RGL1: variants seen among roughly 807,000 people sequenced by gnomAD.
The protein encoded by RGL1 is ral guanine nucleotide dissociation stimulator-like 1.
Under a neutral mutation model 95.2 loss-of-function variants are expected in RGL1, and 24 were observed. That is an observed-to-expected ratio of 0.25 (90% CI 0.18 to 0.35). The LOEUF is 0.35. RGL1 is among the 10% of genes least tolerant of loss of function. The probability of loss-of-function intolerance (pLI) is 1.00; values close to 1 mark genes in which losing one functional copy is unlikely to be tolerated. For missense variants in RGL1, 715 were observed against 936.3 expected (o/e 0.76, Z 3.08); for synonymous variants, 329 against 344.9 (o/e 0.95, Z 0.51).
intron 2 of RGL1, among the ~76,000 whole-genome samples, chr1:183,745,854 C>T (rs936540631): frequency 3.9e-5 from 6 of 152,096 alleles, no homozygotes; most frequent in Non-Finnish European, 8.8e-5. Context: ...AATTTGTTGA[C>T]TGATTTGGAG....
chr1:183,697,361 A>G (rs1654314248), intron 1 of RGL1, among the ~76,000 whole-genome samples: 1 of 152,002 alleles, frequency 6.6e-6, no homozygotes, highest in African/African-American at 2.4e-5. Context: ...AATATTTTAC[A>G]TGGTTTGCTT....
At chr1:183,893,759 T>C (rs1323763523) in intron 9 of RGL1, among the ~76,000 whole-genome samples, 1 of 152,226 alleles carries the variant, frequency 6.6e-6, no homozygotes, top group Admixed American at 6.5e-5. Context: ...CTGGCACTTA[T>C]CACTTGCTCT....
Position 183,882,117 on chromosome 1 carries a change from C to T in RGL1, c.610+1317C>T, listed in dbSNP as rs183744860. 2.6e-5 allele frequency among the ~76,000 whole-genome samples: 4 copies of T among 152,394 alleles called. No homozygotes were observed. In the East Asian group the frequency reaches 7.7e-4, roughly 29 times the overall value. On this transcript the variant is annotated intron_variant, in intron 5 of 17. Coordinates refer to ENST00000360851, the MANE Select transcript of RGL1 (RefSeq NM_001297671.3). ...CCCAATTTTACTCCTGCGGAAGAAG[C>T]AAGCTCTCCTATATGTTTTTAAAAA...
At chr1:183,923,617 G>A (rs758175716) in intron 17 of RGL1, among the ~76,000 whole-genome samples, 17 of 151,960 alleles carry the variant, frequency 1.1e-4, no homozygotes, top group African/African-American at 3.9e-4. Context: ...CTGGACCCCC[G>A]GGCCTTGGTC....
chr1:183,647,938 T>G lies in RGL1; in HGVS notation c.-33+11437T>G, dbSNP rs1192712180. 2.5e-6 allele frequency: 4 copies of G among 1,614,196 alleles called. No individual in the cohort carries two copies. In the East Asian group the frequency reaches 8.9e-5, roughly 36 times the overall value. ...GGAGCCCTGAGGTCTGGAGGTAGGT[T>G]GGGTTGGAGTTGTCCACTCGGCATT... On this transcript the variant is annotated intron_variant, in intron 1 of 18. Coordinates refer to the RGL1 transcript ENST00000304685.
chr1:183,865,349 C>T (rs1665761700), intron 3 of RGL1, among the ~76,000 whole-genome samples: 1 of 152,192 alleles, frequency 6.6e-6, no homozygotes, highest in Non-Finnish European at 1.5e-5. Flanking sequence ...CCCCACCTCC[C>T]CAGTTGCTGT....
At chr1:183,672,061 T>C (rs1652501092) in intron 1 of RGL1, among the ~76,000 whole-genome samples, 1 of 151,862 alleles carries the variant, frequency 6.6e-6, no homozygotes, top group Non-Finnish European at 1.5e-5. Flanking sequence ...GCCTCCTGAG[T>C]AGCTGGGATT....
intron 1 of RGL1, among the ~76,000 whole-genome samples, chr1:183,690,825 T>C (rs916822040): frequency 1.3e-5 from 2 of 152,218 alleles, no homozygotes; most frequent in Admixed American, 6.5e-5. Flanking sequence ...TTTTGCTTTT[T>C]ATACTTAGCA....
chr1:183,898,702 C>G (rs917921215), intron 10 of RGL1, among the ~76,000 whole-genome samples: 2 of 152,188 alleles, frequency 1.3e-5, no homozygotes, highest in Admixed American at 1.3e-4. Flanking sequence ...CAAAGACAAG[C>G]TAAAAATAGC....
intron 2 of RGL1, among the ~76,000 whole-genome samples, chr1:183,771,678 G>A (rs1014127699): frequency 2.6e-5 from 4 of 152,132 alleles, no homozygotes; most frequent in African/African-American, 7.2e-5. Context: ...ATATGGAAGC[G>A]GGAAGGGAAG....
intron 2 of RGL1, among the ~76,000 whole-genome samples, chr1:183,760,618 C>T (rs1257019057): frequency 7.0e-6 from 1 of 143,362 alleles, no homozygotes; most frequent in South Asian, 2.2e-4. Flanking sequence ...GTGGTGTGTG[C>T]ATGTAGTCCC....
At chr1:183,701,497 C>T (rs1435159364) in intron 1 of RGL1, among the ~76,000 whole-genome samples, 2 of 152,146 alleles carry the variant, frequency 1.3e-5, no homozygotes, top group Non-Finnish European at 2.9e-5. Flanking sequence ...GAAGTCCTCT[C>T]TCAATCTTTT....
chr1:183,889,299 G>C (rs1667283841), intron 8 of RGL1, among the ~76,000 whole-genome samples: 1 of 152,158 alleles, frequency 6.6e-6, no homozygotes, highest in South Asian at 2.1e-4. Context: ...TGGGGATTGT[G>C]TCATGAGTAC....
intron 2 of RGL1, among the ~76,000 whole-genome samples, chr1:183,842,910 T>C (rs1371622523): frequency 6.6e-6 from 1 of 152,254 alleles, no homozygotes; most frequent in African/African-American, 2.4e-5. Context: ...AATGAAACTT[T>C]TAACATTTTA....
intron 1 of RGL1, among the ~76,000 whole-genome samples, chr1:183,699,946 T>A (rs1654482393): frequency 6.6e-6 from 1 of 152,202 alleles, no homozygotes; most frequent in African/African-American, 2.4e-5. Flanking sequence ...TTTTCTGATG[T>A]TATGTTGTGC....
chr1:183,729,782 A>G (rs536041804), intron 1 of RGL1, among the ~76,000 whole-genome samples: 43 of 152,338 alleles, frequency 2.8e-4, no homozygotes, highest in Admixed American at 3.9e-4. Flanking sequence ...ACTACTTAGT[A>G]CTGAAAAGGA....
chr1:183,867,275 T>C (rs1388065891), intron 4 of RGL1, among the ~76,000 whole-genome samples: 2 of 152,020 alleles, frequency 1.3e-5, no homozygotes, highest in African/African-American at 4.8e-5. Flanking sequence ...CCTTGGGTGT[T>C]TAGAGTTAGG....
chr1:183,713,647 A>G (rs554742071), intron 1 of RGL1, among the ~76,000 whole-genome samples: 1 of 152,314 alleles, frequency 6.6e-6, no homozygotes, highest in South Asian at 2.1e-4. Flanking sequence ...ATGTGAGGTC[A>G]CAGGGAGAAA....
At chr1:183,843,852 A>G (rs560040592) in intron 2 of RGL1, among the ~76,000 whole-genome samples, 1 of 151,954 alleles carries the variant, frequency 6.6e-6, no homozygotes, top group East Asian at 1.9e-4. Context: ...TTTGAGATGG[A>G]GTCTCGCTCT....
Sources: gnomAD v4.1 joint callset for allele counts (sites outside exome capture counted in the v4.1 genomes callset) on GRCh38, gnomAD v4.1.1 for gene constraint, MANE v1.5 for transcripts, NCBI Gene and HGNC (gene_info 2026-07-23, HGNC 2026-07-21) for gene names.